CDH12: variants seen among roughly 807,000 people sequenced by gnomAD.
CDH12 encodes the protein cadherin-12.
In CDH12, 41 loss-of-function variants were observed where a neutral mutation model predicts 74.1. The ratio of observed to expected loss-of-function variants is 0.55; its 90% CI spans 0.43 to 0.72. The LOEUF (loss-of-function observed/expected upper bound fraction) is 0.72. Among genes scored for constraint, CDH12 ranks in the 30% least tolerant of loss-of-function variants. CDH12 has a pLI of 0.00. For missense variants in CDH12, 945 were observed against 977.2 expected (o/e 0.97, Z 0.44); for synonymous variants, 399 against 355.0 (o/e 1.12, Z -1.39).
At chr5:21,779,986 T>C (rs1327706674) in intron 11 of CDH12, among the ~76,000 whole-genome samples, 1 of 152,206 alleles carries the variant, frequency 6.6e-6, no homozygotes, top group African/African-American at 2.4e-5. Flanking sequence ...CCCGATTTCC[T>C]TTATGGTTCT....
intron 2 of CDH12, among the ~76,000 whole-genome samples, chr5:22,427,060 C>T (rs1396680954): frequency 6.6e-6 from 1 of 152,126 alleles, no homozygotes; most frequent in Non-Finnish European, 1.5e-5. Context: ...CCTGTGATAA[C>T]TTTTTGCCTC....
chr5:22,315,629 G>T (rs1056909771), intron 3 of CDH12, among the ~76,000 whole-genome samples: 4 of 152,150 alleles, frequency 2.6e-5, no homozygotes, highest in African/African-American at 4.8e-5. Flanking sequence ...GTATTAAAAT[G>T]ATGGATTAGA....
rs1228820623 is a variant in CDH12, at chr5:22,592,536, A to G, written c.-522-87172T>C. On this transcript the variant is annotated intron_variant, in intron 1 of 14. Transcript: ENST00000382254. ...TCCTTCGTTTTCTCTTTCTCCTCCT[A>G]TTGCCATAAATTCATAAAATATTTT... Among the ~76,000 whole-genome samples the G allele has an allele frequency of 9.2e-5, 14 of 152,058 alleles. 1 individual carries two copies. Among genetic ancestry groups the G allele is most frequent in the African/African-American group, 3.1e-4 (13 of 41,472 alleles).
intron 10 of CDH12, among the ~76,000 whole-genome samples, chr5:21,784,955 G>GT (rs2149899845): frequency 1.3e-5 from 2 of 152,082 alleles, no homozygotes; most frequent in South Asian, 4.2e-4. Flanking sequence ...TCCTATTGCC[G>GT]TTTTTACAAA....
chr5:21,809,982 A>C (rs1410075392), intron 9 of CDH12, among the ~76,000 whole-genome samples: 4 of 152,180 alleles, frequency 2.6e-5, no homozygotes, highest in Non-Finnish European at 4.4e-5. Flanking sequence ...GTTAAAGAAC[A>C]TGTAAGAATT....
intron 4 of CDH12, among the ~76,000 whole-genome samples, chr5:22,187,715 C>A (rs1458315815): frequency 6.7e-6 from 1 of 149,672 alleles, no homozygotes; most frequent in East Asian, 1.9e-4. Flanking sequence ...AGAATCTAAG[C>A]TCTGTCAAAG....
chr5:22,111,097 G>C (rs966534652), intron 4 of CDH12, among the ~76,000 whole-genome samples: 2 of 152,036 alleles, frequency 1.3e-5, no homozygotes, highest in Non-Finnish European at 2.9e-5. Flanking sequence ...TATATTCCAT[G>C]ATCTGAGTAC....
chr5:21,927,808 G>A (rs1359959237), intron 6 of CDH12, among the ~76,000 whole-genome samples: 1 of 151,920 alleles, frequency 6.6e-6, no homozygotes, highest in Non-Finnish European at 1.5e-5. Flanking sequence ...GGTGGCTCAC[G>A]TCTGTAATCC....
rs1189892840 is a variant in CDH12, at chr5:22,099,730, T to C, written c.-186-20868A>G. Among the ~76,000 whole-genome samples the C allele has an allele frequency of 2.6e-5, 4 of 152,336 alleles. No homozygotes were observed. The East Asian group carries it at 5.8e-4, about 22-fold the overall frequency. On this transcript the variant is annotated intron_variant, in intron 4 of 14. Transcript: ENST00000382254. Reference sequence around the variant, plus strand: ...ACCCCCAAACTGCCACTCTTAACTCTTGAAGTAAATAAATAATCTTTGCTG... The same window carrying C: ...ACCCCCAAACTGCCACTCTTAACTCCTGAAGTAAATAAATAATCTTTGCTG...
intron 1 of CDH12, among the ~76,000 whole-genome samples, chr5:22,831,073 T>C (rs879787973): frequency 1.3e-5 from 2 of 151,952 alleles, no homozygotes; most frequent in African/African-American, 2.4e-5. Flanking sequence ...AGATGAGAGA[T>C]TCAAGAATAA....
intron 7 of CDH12, among the ~76,000 whole-genome samples, chr5:21,853,616 ACAT>A (rs1271137923): frequency 6.6e-6 from 1 of 151,668 alleles, no homozygotes; most frequent in African/African-American, 2.4e-5. Flanking sequence ...CAACATTAAT[ACAT>A]AATTAATTGT....
At chr5:22,772,435 A>G (rs1452539438) in intron 1 of CDH12, among the ~76,000 whole-genome samples, 1 of 152,112 alleles carries the variant, frequency 6.6e-6, no homozygotes, top group African/African-American at 2.4e-5. Flanking sequence ...ACTACCAGAC[A>G]CCAAGGAGTT....
At chr5:21,937,849 T>G (rs1407212978) in intron 6 of CDH12, among the ~76,000 whole-genome samples, 1 of 152,166 alleles carries the variant, frequency 6.6e-6, no homozygotes, top group Non-Finnish European at 1.5e-5. Context: ...TGTGGGACCT[T>G]GGCAGACCTT....
At chr5:22,837,274 A>T (rs929435671) in intron 1 of CDH12, among the ~76,000 whole-genome samples, 3 of 152,010 alleles carry the variant, frequency 2.0e-5, no homozygotes, top group Non-Finnish European at 4.4e-5. Context: ...TTTTAAAAAA[A>T]TTAGCTGGGT....
intron 1 of CDH12, among the ~76,000 whole-genome samples, chr5:22,783,491 A>G (rs1364343533): frequency 6.6e-6 from 1 of 152,174 alleles, no homozygotes; most frequent in Non-Finnish European, 1.5e-5. Flanking sequence ...CAGGTAGGTG[A>G]GTTAAAAATA....
chr5:22,642,551 C>T (rs906502805), intron 1 of CDH12, among the ~76,000 whole-genome samples: 3 of 152,000 alleles, frequency 2.0e-5, no homozygotes, highest in African/African-American at 4.8e-5. Flanking sequence ...CTTACGGAGC[C>T]CAGTTAATCT....
chr5:22,632,789 G>A (rs4565177), intron 1 of CDH12, among the ~76,000 whole-genome samples: 3,123 of 152,010 alleles, frequency 0.021, 38 homozygotes, highest in South Asian at 0.029. Flanking sequence ...TAAATGTGAT[G>A]AAAAATATTA....
At chr5:22,004,297 C>T (rs139804501) in intron 5 of CDH12, among the ~76,000 whole-genome samples, 264 of 152,322 alleles carry the variant, frequency 1.7e-3, no homozygotes, top group Non-Finnish European at 3.3e-3. Context: ...TATGAAGCCA[C>T]TCTCAGTGCA....
chr5:21,817,334 A>G (rs1748115573), intron 8 of CDH12, among the ~76,000 whole-genome samples: 1 of 152,156 alleles, frequency 6.6e-6, no homozygotes, highest in Non-Finnish European at 1.5e-5. Context: ...GTGCTGCTCT[A>G]GAATTTTAAC....
Sources: allele counts gnomAD v4.1 joint callset (sites outside exome capture counted in the v4.1 genomes callset), GRCh38; gene constraint gnomAD v4.1.1; transcripts MANE v1.5; gene names NCBI Gene and HGNC (gene_info 2026-07-23, HGNC 2026-07-21).